CDCA3: variants seen among roughly 807,000 people sequenced by gnomAD.
CDCA3 encodes the protein cell division cycle-associated protein 3.
In CDCA3, 16 loss-of-function variants were observed where a neutral mutation model predicts 29.1. The ratio of observed to expected loss-of-function variants is 0.55; its 90% CI spans 0.37 to 0.83. The LOEUF is 0.83. CDCA3 is among the 40% of genes least tolerant of loss of function. CDCA3 has a pLI of 0.00. For missense variants in CDCA3, 291 were observed against 327.2 expected (o/e 0.89, Z 0.85); for synonymous variants, 88 against 124.5 (o/e 0.71, Z 1.95).
At position 6,849,359 on chromosome 12, in the gene CDCA3, C is replaced by G; in HGVS notation, c.615G>C (p.Gln205His). The G allele has an allele frequency of 6.2e-7, 1 of 1,604,984 alleles. No individual in the cohort carries two copies. The highest frequency in any genetic ancestry group is 8.5e-7 in the Non-Finnish European group (1 of 1,175,788). ...VLGRSPLTILQDDNSPGTLTL... is the reference protein window; with the variant it reads ...VLGRSPLTILHDDNSPGTLTL... ...TCAGGGTGCCAGGGGAGTTGTCATC[C>G]TGCAGGATGGTGAGGGGGGATCTCC... The change falls in exon 5 of 6, where the codon CAG (glutamine) becomes CAC (histidine). Residue 205 changes from glutamine to histidine, a missense_variant. Transcript: ENST00000538862. The surrounding 1 kb of genome is among the most constrained non-coding windows in gnomAD (Gnocchi z 5.2).
downstream of CDCA3, chr12:6,846,909 G>C: frequency 6.7e-7 from 1 of 1,501,144 alleles, no homozygotes; most frequent in East Asian, 2.3e-5. Context: ...GGAGGCTGGA[G>C]AAAGGGAAGT....
In CDCA3 at chr12:6,850,843, G is replaced by A. The variant is rs371648676; in HGVS notation, c.110C>T (p.Thr37Ile). ...PRSPSAGILR[T>I]PIQVESSPQP... ...GCTGGCCCAGAGTACCTGGATGGGA[G>A]TGCGCAGGATGCCAGCACTAGGTGA... The change falls in exon 2 of 6, where the codon ACT becomes ATT. Residue 37 changes from threonine to isoleucine, a missense_variant. Thr to Ile is a moderately conservative substitution (Grantham distance 89). Transcript: ENST00000538862. The surrounding 1 kb of genome is among the most constrained non-coding windows in gnomAD (Gnocchi z 4.7). 1 of 1,614,044 alleles carries A rather than the reference G, an allele frequency of 6.2e-7. No homozygotes were observed. Among genetic ancestry groups the A allele is most frequent in the Non-Finnish European group, 8.5e-7 (1 of 1,179,984 alleles).
downstream of CDCA3, chr12:6,845,933 C>T (rs1213813138): frequency 2.9e-6 from 2 of 686,840 alleles, no homozygotes; most frequent in Admixed American, 2.2e-5. Context: ...TGGGTGACTC[C>T]ACCCCTGGAA....
chr12:6,847,852 G>A (rs1943736850), downstream of CDCA3, among the ~76,000 whole-genome samples: 1 of 152,186 alleles, frequency 6.6e-6, no homozygotes, highest in Non-Finnish European at 1.5e-5. Context: ...GAGGCAGGTG[G>A]CAAGAAATGC....
rs191917652 is a variant in CDCA3, at chr12:6,850,685, C to G, written c.121-89G>C. ...TCCAGGAAGGAATTGCCAAGGCCCT[C>G]AGATATCCAGCCTACCCCACACAGA... On this transcript the variant is annotated intron_variant, in intron 2 of 5. Transcript: ENST00000538862. The surrounding 1 kb of genome is among the most constrained non-coding windows in gnomAD (Gnocchi z 4.7). 91 of 1,598,624 alleles carry G rather than the reference C, an allele frequency of 5.7e-5. No individual in the cohort carries two copies. In the African/African-American group the frequency reaches 1.1e-3, roughly 19 times the overall value.
rs781965657 is a variant in CDCA3 at position 6,849,061 on chromosome 12, A to T, written c.789T>A (p.Phe263Leu). 2.7e-6 allele frequency: 3 copies of T among 1,106,424 alleles called. No homozygotes were observed. The African/African-American group carries it at 4.6e-5, about 17-fold the overall frequency. The allele number at this position is 1,106,424 out of a possible 1,614,324, so 68.5% of individuals were successfully genotyped here. A position where few individuals can be genotyped will look rare whatever the true frequency, so the allele number is the denominator to read the frequency against. ...GCAGGGCCTAGCTCTCCACCAAGGG[A>T]AAGTGCTGATTTTCCTTGTCATGGT... ...GQDHDKENQH[F>L]PLVES Residue 263 changes from phenylalanine to leucine, a missense_variant, in exon 6 of 6, where the codon TTT becomes TTA. Transcript: ENST00000538862. This position sits in a 1 kb window ranked among gnomAD's most constrained non-coding sequence, Gnocchi z 5.2.
At chr12:6,845,620 C>T (rs782597916), downstream of CDCA3, 29 of 1,612,952 alleles carry the variant, frequency 1.8e-5, no homozygotes, top group East Asian at 3.8e-4. Context: ...TGCACGGGCT[C>T]GGATGACGCT....
At chr12:6,847,197 G>T (rs1034662210), downstream of CDCA3, 1 of 373,834 alleles carries the variant, frequency 2.7e-6, no homozygotes, top group African/African-American at 2.0e-5. Context: ...GCAGACTTGA[G>T]TCTGAGGCCC....
chr12:6,849,742 C>A lies in CDCA3; in HGVS notation c.367G>T (p.Asp123Tyr). 1 of 1,613,608 alleles carries A rather than the reference C, an allele frequency of 6.2e-7. No individual in the cohort carries two copies. The highest frequency in any genetic ancestry group is 8.5e-7 in the Non-Finnish European group (1 of 1,179,724). ...GATAACTGGGTACCCAGAGGCAAGT[C>A]CAATTCAGAAGATAAAGGTGCCTCT... ...PPEAPLSSELDLPLGTQLSVE... is the reference protein window; with the variant it reads ...PPEAPLSSELYLPLGTQLSVE... Residue 123 changes from aspartate to tyrosine, a missense_variant, in exon 4 of 6, where the codon GAC (aspartate) becomes TAC (tyrosine). Asp to Tyr is a radical substitution (Grantham distance 160). Transcript: ENST00000538862. The surrounding 1 kb of genome is among the most constrained non-coding windows in gnomAD (Gnocchi z 5.2).
chr12:6,846,777 T>C, downstream of CDCA3: 3 of 1,497,680 alleles, frequency 2.0e-6, no homozygotes, highest in Non-Finnish European at 2.8e-6. Context: ...GCTGACTCCT[T>C]TCCCTCTTCC....
chr12:6,847,668 G>C (rs1555125074), downstream of CDCA3, among the ~76,000 whole-genome samples: 2 of 152,216 alleles, frequency 1.3e-5, no homozygotes. Flanking sequence ...GGTCTTGAAT[G>C]TCAAGCCAGA....
chr12:6,845,397 G>A (rs1349802917), downstream of CDCA3: 10 of 600,224 alleles, frequency 1.7e-5, no homozygotes, highest in African/African-American at 1.7e-4. Flanking sequence ...CGGGCGAGGG[G>A]CATAGGGAAG....
Position 6,849,112 on chromosome 12 carries a change from T to C in CDCA3, c.738A>G (p.Gly246=), listed in dbSNP as rs372805520. ...ILGTGRLLKT[G]GRAWEQGQDH... is the part of the protein sequence containing the mutation. ...CCTGGCCTTGCTCCCATGCTCGTCC[T>C]CCAGTTTTCAGAAGTCGTCCAGTTC... The change falls in exon 6 of 6, where the codon GGA becomes GGG. Residue 246 remains glycine (G), a synonymous_variant. Coordinates refer to ENST00000538862, the MANE Select transcript of CDCA3 (RefSeq NM_031299.7). The surrounding 1 kb of genome is among the most constrained non-coding windows in gnomAD (Gnocchi z 5.2). 2.0e-5 allele frequency: 31 copies of C among 1,549,686 alleles called. No homozygotes were observed. Among genetic ancestry groups the C allele is most frequent in the Non-Finnish European group, 2.8e-5 (31 of 1,121,336 alleles).
chr12:6,847,156 A>G, downstream of CDCA3: 1 of 442,706 alleles, frequency 2.3e-6, no homozygotes, highest in East Asian at 3.7e-5. Context: ...AGCAAGGACA[A>G]CCTGCCCCTC....
chr12:6,851,135 G>C, intron 1 of CDCA3, 87 bp downstream of exon 1: 1 of 1,395,416 alleles, frequency 7.2e-7, no homozygotes, highest in Non-Finnish European at 9.3e-7. Context: ...CCTCTGCGGA[G>C]TTAATGACTG....
At chr12:6,847,227 C>T (rs986862060), downstream of CDCA3, 1 of 330,242 alleles carries the variant, frequency 3.0e-6, no homozygotes, top group Non-Finnish European at 5.7e-6. Context: ...GGATTCCTCC[C>T]CCAGAGCCAC....
At chr12:6,845,996 A>C (rs1943689510), downstream of CDCA3, 5 of 588,518 alleles carry the variant, frequency 8.5e-6, no homozygotes, top group Non-Finnish European at 1.5e-5. Flanking sequence ...TGTTGCTCTA[A>C]GCAGCCTCTC....
rs1158123164 is a variant in CDCA3, at chr12:6,850,341, A to C, written c.250+126T>G. The C allele has an allele frequency of 1.0e-5, 13 of 1,241,134 alleles. No homozygotes were observed. In the Admixed American group the frequency reaches 2.6e-4, roughly 25 times the overall value. 76.9% of individuals were successfully genotyped at this position (1,241,134 alleles called of 1,614,324 possible). On this transcript the variant is annotated intron_variant, in intron 3 of 5. Coordinates refer to ENST00000538862, the MANE Select transcript of CDCA3 (RefSeq NM_031299.7). The surrounding 1 kb of genome is among the most constrained non-coding windows in gnomAD (Gnocchi z 4.7). ...GCTGGGAACAAAATATTGAGATAAGAGTGAGATGGGTCCGAAGCAGGAGGA... is the reference window on the plus strand; with the variant it reads ...GCTGGGAACAAAATATTGAGATAAGCGTGAGATGGGTCCGAAGCAGGAGGA...
In CDCA3 at chr12:6,849,345, G is replaced by T. The variant is rs201465861; in HGVS notation, c.629C>A (p.Pro210His). ...TACCTGTCGTAGTGTCAGGGTGCCA[G>T]GGGAGTTGTCATCCTGCAGGATGGT... ...PLTILQDDNS[P>H]GTLTLRQGKR... The change falls in exon 5 of 6, where the codon CCT (proline) becomes CAT (histidine). Residue 210 changes from proline (P) to histidine (H), a missense_variant. Physicochemically the swap from Pro to His is moderately conservative, Grantham distance 77. Coordinates refer to ENST00000538862, the MANE Select transcript of CDCA3 (RefSeq NM_031299.7). This position sits in a 1 kb window ranked among gnomAD's most constrained non-coding sequence, Gnocchi z 5.2. 92 of 1,603,364 alleles carry T rather than the reference G, an allele frequency of 5.7e-5. No homozygotes were observed. The highest frequency in any genetic ancestry group is 7.7e-5 in the Non-Finnish European group (91 of 1,174,944).
Sources: gnomAD v4.1 joint callset for allele counts (sites outside exome capture counted in the v4.1 genomes callset) on GRCh38, gnomAD v4.1.1 for gene constraint, Gnocchi (gnomAD v3.1) non-coding constraint, MANE v1.5 for transcripts, NCBI Gene and HGNC (gene_info 2026-07-23, HGNC 2026-07-21) for gene names.